The following SAMD10 variants were observed in gnomAD, a reference collection of about 807,000 sequenced individuals.
SAMD10 encodes the protein sterile alpha motif domain-containing protein 10.
In SAMD10, 16 loss-of-function variants were observed where a neutral mutation model predicts 22.5. The ratio of observed to expected loss-of-function variants is 0.71; its 90% CI spans 0.48 to 1.08. The LOEUF is 1.08. SAMD10 is among the 50% of genes least tolerant of loss of function. The probability of loss-of-function intolerance (pLI) is 0.00; values close to 1 mark genes in which losing one functional copy is unlikely to be tolerated. For synonymous variants in SAMD10, 118 were observed against 122.2 expected (o/e 0.97, Z 0.23); for missense variants, 227 against 281.3 (o/e 0.81, Z 1.38).
intron 1 of SAMD10, among the ~76,000 whole-genome samples, chr20:63,978,936 C>T (rs2059043238): frequency 6.6e-6 from 1 of 152,236 alleles, no homozygotes; most frequent in Admixed American, 6.5e-5. Context: ...CCTGCCTGCA[C>T]TCCCGGAGGG....
Position 63,979,549 on chromosome 20 carries a change from G to C in SAMD10, c.-82C>G. On this transcript the variant is annotated 5_prime_UTR_variant, in exon 1 of 5. Coordinates refer to ENST00000369886, the MANE Select transcript of SAMD10 (RefSeq NM_080621.5). The surrounding 1 kb of genome is among the most constrained non-coding windows in gnomAD (Gnocchi z 7.7). ...GTGTGGCCGGCGGGGAACGCGCGCC[G>C]CCGCCCCGCCCCGCCCCAGCCGGCC... 1 of 997,208 alleles carries C rather than the reference G, an allele frequency of 1.0e-6. No homozygotes were observed. Among genetic ancestry groups the C allele is most frequent in the African/African-American group, 1.8e-5 (1 of 56,280 alleles). The allele number at this position is 997,208 out of a possible 1,614,324, so 61.8% of individuals were successfully genotyped here. A position where few individuals can be genotyped will look rare whatever the true frequency, so the allele number is the denominator to read the frequency against.
intron 1 of SAMD10, among the ~76,000 whole-genome samples, chr20:63,978,541 G>T (rs1268212339): frequency 6.6e-6 from 1 of 152,142 alleles, no homozygotes; most frequent in African/African-American, 2.4e-5. Flanking sequence ...GCAGGGGTTG[G>T]GGATGTGTCT....
chr20:63,977,869 A>C lies in SAMD10; in HGVS notation c.92-463T>G, dbSNP rs1025496907. 3.3e-5 allele frequency among the ~76,000 whole-genome samples: 5 copies of C among 152,132 alleles called. No homozygotes were observed. The highest frequency in any genetic ancestry group is 7.2e-5 in the African/African-American group (3 of 41,420). ...CGGGGAGGTCGTCTGTGCTGGGGAA[A>C]CCGGGCTGAGGATGCTGCTTGCCCA... is the stretch of plus-strand genomic sequence containing the variant. On this transcript the variant is annotated intron_variant, in intron 1 of 4. Coordinates refer to ENST00000369886, the MANE Select transcript of SAMD10 (RefSeq NM_080621.5). This position sits in a 1 kb window ranked among gnomAD's most constrained non-coding sequence, Gnocchi z 5.4.
At position 63,975,104 on chromosome 20, in the gene SAMD10, G is replaced by A. The variant is rs1213249315; in HGVS notation, c.*406C>T. ...CGACCTAGAACTGGGCTGGGTGGGT[G>A]GACAGACAAGTGACTCAGCAGGCGA... On this transcript the variant is annotated 3_prime_UTR_variant, in exon 5 of 5. Transcript: ENST00000369886. 3.9e-6 allele frequency: 1 copy of A among 255,462 alleles called. No homozygotes were observed. Among genetic ancestry groups the A allele is most frequent in the Non-Finnish European group, 7.6e-6 (1 of 130,982 alleles). 15.8% of individuals were successfully genotyped at this position (255,462 alleles called of 1,614,324 possible). A position where few individuals can be genotyped will look rare whatever the true frequency, so the allele number is the denominator to read the frequency against.
rs762950226 is a variant in SAMD10 at position 63,977,375 on chromosome 20, G to A, written c.123C>T (p.Leu41=). ...TCTCAGCTGACACCGTGTGCTCCAG[G>A]AGGGTCCGGCAGAAGCTGAAGTGGG... is the stretch of plus-strand genomic sequence containing the variant. ...ATAHFSFCRT[L]LEHTVSAESI... The change falls in exon 2 of 5, where the codon CTC becomes CTT. Residue 41 remains leucine (L), a synonymous_variant. Coordinates refer to ENST00000369886, the MANE Select transcript of SAMD10 (RefSeq NM_080621.5). This position sits in a 1 kb window ranked among gnomAD's most constrained non-coding sequence, Gnocchi z 5.4. 6.2e-6 allele frequency: 10 copies of A among 1,613,152 alleles called. No homozygotes were observed. Among genetic ancestry groups the A allele is most frequent in the Non-Finnish European group, 8.5e-6 (10 of 1,180,030 alleles).
At position 63,979,430 on chromosome 20, in the gene SAMD10, C is replaced by A; in HGVS notation, c.38G>T (p.Arg13Leu). The A allele has an allele frequency of 6.8e-7, 1 of 1,476,136 alleles. No individual in the cohort carries two copies. Among genetic ancestry groups the A allele is most frequent in the Non-Finnish European group, 8.9e-7 (1 of 1,119,856 alleles). The allele number at this position is 1,476,136 out of a possible 1,614,324, so 91.4% of individuals were successfully genotyped here. A position where few individuals can be genotyped will look rare whatever the true frequency, so the allele number is the denominator to read the frequency against. The stretch of plus-strand genomic sequence containing the variant: ...CGCGCGCACGGCCCCGGCGCGGCCA[C>A]GCGGGGGGCTCAGCTTGGACCTCAG... ...TELRSKLSPP[R>L]GRAGAVRAGF... Residue 13 changes from arginine to leucine, a missense_variant, in exon 1 of 5, where the codon CGT becomes CTT. By Grantham distance (102) the Arg-to-Leu change is moderately radical. Transcript: ENST00000369886. The surrounding 1 kb of genome is among the most constrained non-coding windows in gnomAD (Gnocchi z 7.7).
Position 63,975,692 on chromosome 20 carries a change from C to T in SAMD10, c.586G>A (p.Ala196Thr), listed in dbSNP as rs1043059909. 2.5e-6 allele frequency: 4 copies of T among 1,602,580 alleles called. No homozygotes were observed. The African/African-American group carries it at 5.4e-5, about 22-fold the overall frequency. Residue 196 changes from alanine (A) to threonine (T), a missense_variant and splice_region_variant, in exon 4 of 5, where the codon GCT becomes ACT. By Grantham distance (58) the Ala-to-Thr change is moderately conservative. Coordinates refer to ENST00000369886, the MANE Select transcript of SAMD10 (RefSeq NM_080621.5). ...GGCCTCTCTGGCACCTCACACTGAC[C>T]TTGGCTGAGCAGCTGCAGGCTCCGC... ...EGRSLQLLSQ[A>T]SFGKMS
chr20:63,976,922 T>C (rs1290311073), intron 3 of SAMD10, 49 bp downstream of exon 3: 4 of 1,593,424 alleles, frequency 2.5e-6, no homozygotes, highest in Admixed American at 3.3e-5. Flanking sequence ...GAAGAGACGC[T>C]CTGAGGCAGG....
intron 3 of SAMD10, among the ~76,000 whole-genome samples, chr20:63,976,623 G>A (rs817345): frequency 0.26 from 38,730 of 151,258 alleles, 6,219 homozygotes; most frequent in African/African-American, 0.45. Flanking sequence ...TTAGCCAGGC[G>A]TGGTGGTGCA....
chr20:63,979,396 C>T lies in SAMD10; in HGVS notation c.72G>A (p.Gly24=). ...GRAGAVRAGF[G]ERRDVDATAH... is the part of the protein sequence containing the mutation. ...GCTCACCGTCCACATCCCGGCGCTC[C>T]CCGAAGCCCGCGCGCACGGCCCCGG... The change falls in exon 1 of 5, where the codon GGG becomes GGA. Residue 24 remains glycine, a synonymous_variant. Coordinates refer to ENST00000369886, the MANE Select transcript of SAMD10 (RefSeq NM_080621.5). The surrounding 1 kb of genome is among the most constrained non-coding windows in gnomAD (Gnocchi z 7.7). 1 of 1,489,158 alleles carries T rather than the reference C, an allele frequency of 6.7e-7. No homozygotes were observed. Among genetic ancestry groups the T allele is most frequent in the Admixed American group, 2.2e-5 (1 of 44,970 alleles). 92.2% of individuals were successfully genotyped at this position (1,489,158 alleles called of 1,614,324 possible). A position where few individuals can be genotyped will look rare whatever the true frequency, so the allele number is the denominator to read the frequency against.
Position 63,977,107 on chromosome 20 carries a change from A to G in SAMD10, c.309T>C (p.His103=). 1 of 1,613,310 alleles carries G rather than the reference A, an allele frequency of 6.2e-7. No homozygotes were observed. The highest frequency in any genetic ancestry group is 1.3e-5 in the African/African-American group (1 of 74,946). Residue 103 remains histidine (H), a synonymous_variant, in exon 3 of 5, where the codon CAT becomes CAC. Transcript: ENST00000369886. The surrounding 1 kb of genome is among the most constrained non-coding windows in gnomAD (Gnocchi z 5.4). ...RLYSDHYGLY[H]TSPSLGGLTR... is the part of the protein sequence containing the mutation. Reference sequence around the variant, plus strand: ...TCAGGCCACCCAGCGAGGGGCTTGTATGGTACAGGCCATAGTGGTCAGAGT... The same window carrying G: ...TCAGGCCACCCAGCGAGGGGCTTGTGTGGTACAGGCCATAGTGGTCAGAGT...
Position 63,977,010 on chromosome 20 carries a change from G to A in SAMD10, c.406C>T (p.Leu136Phe), listed in dbSNP as rs1450860434. Residue 136 changes from leucine (L) to phenylalanine (F), a missense_variant, in exon 3 of 5, where the codon CTC becomes TTC. Transcript: ENST00000369886. The surrounding 1 kb of genome is among the most constrained non-coding windows in gnomAD (Gnocchi z 5.4). The part of the protein sequence containing the change: ...WLKKHCPHNY[L>F]VYVEAFSQHA... The stretch of plus-strand genomic sequence containing the variant: ...TGGGAGAAGGCCTCCACGTAGACGA[G>A]GTAGTTGTGGGGACAGTGCTTCTTG... 1 of 1,614,166 alleles carries A rather than the reference G, an allele frequency of 6.2e-7. No homozygotes were observed. Among genetic ancestry groups the A allele is most frequent in the South Asian group, 1.1e-5 (1 of 91,080 alleles).
At chr20:63,976,186 C>G (rs1319365872) in intron 3 of SAMD10, among the ~76,000 whole-genome samples, 5 of 125,190 alleles carry the variant, frequency 4.0e-5, no homozygotes, top group African/African-American at 1.9e-4. Flanking sequence ...AACAAACAAA[C>G]AAACAAACAA....
chr20:63,977,138 C>T lies in SAMD10; in HGVS notation c.278G>A (p.Arg93Gln), dbSNP rs183766285. 57 of 1,610,942 alleles carry T rather than the reference C, an allele frequency of 3.5e-5. No individual in the cohort carries two copies. Among genetic ancestry groups the T allele is most frequent in the Middle Eastern group, 1.7e-4 (1 of 6,050 alleles). The change falls in exon 3 of 5, where the codon CGG (arginine) becomes CAG (glutamine). Residue 93 changes from arginine (R) to glutamine (Q), a missense_variant. By Grantham distance (43) the Arg-to-Gln change is conservative (BLOSUM62 1). Coordinates refer to ENST00000369886, the MANE Select transcript of SAMD10 (RefSeq NM_080621.5). This position sits in a 1 kb window ranked among gnomAD's most constrained non-coding sequence, Gnocchi z 5.4. ...CAGGCCATAGTGGTCAGAGTACAGC[C>T]GGCCCTGCAGGGGAGGGGCGTGGCA... Reference protein sequence around the residue: ...QQPGTDTPQGRLYSDHYGLYH... With the variant: ...QQPGTDTPQGQLYSDHYGLYH...
At position 63,977,242 on chromosome 20, in the gene SAMD10, C is replaced by G; in HGVS notation, c.256G>C (p.Gly86Arg). 3 of 1,613,404 alleles carry G rather than the reference C, an allele frequency of 1.9e-6. No homozygotes were observed. Among genetic ancestry groups the G allele is most frequent in the Non-Finnish European group, 2.5e-6 (3 of 1,179,952 alleles). Reference protein sequence around the residue: ...SRPIKLLQQPGTDTPQGRLYS... With the variant: ...SRPIKLLQQPRTDTPQGRLYS... ...GTGGGTACCTGGGGGGTGTCTGTGC[C>G]GGGCTGCTGCAGGAGCTTGATTGGC... The change falls in exon 2 of 5, where the codon GGC becomes CGC. Residue 86 changes from glycine to arginine, a missense_variant. By Grantham distance (125) the Gly-to-Arg change is moderately radical (BLOSUM62 -2). Transcript: ENST00000369886. This position sits in a 1 kb window ranked among gnomAD's most constrained non-coding sequence, Gnocchi z 5.4.
At position 63,975,718 on chromosome 20, in the gene SAMD10, C is replaced by T; in HGVS notation, c.560G>A (p.Gly187Glu). 1 of 1,607,344 alleles carries T rather than the reference C, an allele frequency of 6.2e-7. No individual in the cohort carries two copies. The change falls in exon 4 of 5, where the codon GGG becomes GAG. Residue 187 changes from glycine (G) to glutamate (E), a missense_variant. Coordinates refer to ENST00000369886, the MANE Select transcript of SAMD10 (RefSeq NM_080621.5). ...TTGGCTGAGCAGCTGCAGGCTCCGC[C>T]CCTCCTCACGCACCTGCAGGCGGAG... ...QVLRLQVREE[G>E]RSLQLLSQAS... is the part of the protein sequence containing the mutation.
In SAMD10 at chr20:63,977,430, G is replaced by T; in HGVS notation, c.92-24C>A. The stretch of plus-strand genomic sequence containing the variant: ...GGCTGTGTGTGGGGGTGCCTGGTCA[G>T]GGCAGTCAAGGGCAGAACCAGAGGC... On this transcript the variant is annotated intron_variant, in intron 1 of 4. Coordinates refer to ENST00000369886, the MANE Select transcript of SAMD10 (RefSeq NM_080621.5). The surrounding 1 kb of genome is among the most constrained non-coding windows in gnomAD (Gnocchi z 5.4). 6.2e-7 allele frequency: 1 copy of T among 1,607,858 alleles called. No homozygotes were observed. The highest frequency in any genetic ancestry group is 1.1e-5 in the South Asian group (1 of 90,774).
In SAMD10 at chr20:63,979,633, A is replaced by C; in HGVS notation, c.-166T>G. On this transcript the variant is annotated 5_prime_UTR_variant, in exon 1 of 5. Transcript: ENST00000369886. This position sits in a 1 kb window ranked among gnomAD's most constrained non-coding sequence, Gnocchi z 7.7. Reference sequence around the variant, plus strand: ...GTGCGCGACGAGGCACCTGCCGCCGAGCCCTGTGTGCCGGGCGCGCTCCGG... The same window carrying C: ...GTGCGCGACGAGGCACCTGCCGCCGCGCCCTGTGTGCCGGGCGCGCTCCGG... 1 of 984,976 alleles carries C rather than the reference A, an allele frequency of 1.0e-6. No homozygotes were observed. The highest frequency in any genetic ancestry group is 1.2e-6 in the Non-Finnish European group (1 of 830,012). 61.0% of individuals were successfully genotyped at this position (984,976 alleles called of 1,614,324 possible).
At chr20:63,976,328 C>T (rs2059022081) in intron 3 of SAMD10, among the ~76,000 whole-genome samples, 2 of 151,656 alleles carry the variant, frequency 1.3e-5, no homozygotes, top group African/African-American at 4.9e-5. Context: ...CAGAGAGACT[C>T]AGAGGGAGAA....
Sources: allele counts gnomAD v4.1 joint callset (sites outside exome capture counted in the v4.1 genomes callset), GRCh38; gene constraint gnomAD v4.1.1; non-coding constraint Gnocchi (gnomAD v3.1); transcripts MANE v1.5; gene names NCBI Gene and HGNC (gene_info 2026-07-23, HGNC 2026-07-21).